The following APOLD1 variants were observed in gnomAD, a reference collection of about 807,000 sequenced individuals.
APOLD1 encodes apolipoprotein L domain containing 1, also known as apolipoprotein L domain-containing protein 1.
In APOLD1, 22 loss-of-function variants were observed where a neutral mutation model predicts 15.3. The observed-to-expected ratio is 1.44, with a 90% CI of 1.03 to 2.05. APOLD1 has a LOEUF of 2.05. Among genes scored for constraint, APOLD1 ranks in the 30% most tolerant of loss-of-function variants. The probability of loss-of-function intolerance (pLI) is 0.00; values close to 1 mark genes in which losing one functional copy is unlikely to be tolerated. For synonymous variants in APOLD1, 190 were observed against 167.4 expected (o/e 1.13, Z -1.04); for missense variants, 394 against 353.5 (o/e 1.11, Z -0.92).
At position 12,786,988 on chromosome 12, in the gene APOLD1, G is replaced by T. The variant is rs1308385088; in HGVS notation, c.83G>T (p.Arg28Leu). The change falls in exon 2 of 2, where the codon CGA becomes CTA. Residue 28 changes from arginine (R) to leucine (L), a missense_variant. Transcript: ENST00000356591. ...TTCCAGGGACTGCTGCTGGACCGCCGAGGCCGGCTGCACGGCCAGGTGCTG... is the reference window on the plus strand; with the variant it reads ...TTCCAGGGACTGCTGCTGGACCGCCTAGGCCGGCTGCACGGCCAGGTGCTG... ...RRFQGLLLDR[R>L]GRLHGQVLRL... 1.4e-6 allele frequency: 2 copies of T among 1,424,758 alleles called. No individual in the cohort carries two copies. The highest frequency in any genetic ancestry group is 1.8e-6 in the Non-Finnish European group (2 of 1,100,596). The allele number at this position is 1,424,758 out of a possible 1,614,324, so 88.3% of individuals were successfully genotyped here.
chr12:12,787,667 C>G lies in APOLD1; in HGVS notation c.*15C>G, dbSNP rs781291103. ...TGTTTTTCTGAGAACATCCTTTCCC[C>G]CTAATGACCGAGGCCAGCAAATCAT... is the stretch of plus-strand genomic sequence containing the variant. On this transcript the variant is annotated 3_prime_UTR_variant, in exon 2 of 2. Coordinates refer to ENST00000356591, the MANE Select transcript of APOLD1 (RefSeq NM_030817.3). This position sits in a 1 kb window ranked among gnomAD's most constrained non-coding sequence, Gnocchi z 4.9. 1.3e-6 allele frequency: 2 copies of G among 1,565,016 alleles called. No individual in the cohort carries two copies. The highest frequency in any genetic ancestry group is 1.8e-5 in the Admixed American group (1 of 56,300).
intron 1 of APOLD1, among the ~76,000 whole-genome samples, chr12:12,742,041 C>T (rs769915653): frequency 1.3e-5 from 2 of 152,200 alleles, no homozygotes; most frequent in Non-Finnish European, 2.9e-5. Flanking sequence ...TTCTGGCCAG[C>T]AATGTCTTGC....
intron 1 of APOLD1, among the ~76,000 whole-genome samples, chr12:12,763,266 G>A (rs1946915927): frequency 6.6e-6 from 1 of 151,642 alleles, no homozygotes; most frequent in African/African-American, 2.4e-5. Flanking sequence ...TTTTTTGTAT[G>A]CGGCGAGAAC....
chr12:12,747,778 A>G (rs1215372529), intron 1 of APOLD1, among the ~76,000 whole-genome samples: 1 of 152,222 alleles, frequency 6.6e-6, no homozygotes, highest in African/African-American at 2.4e-5. Flanking sequence ...TGTAAGAAAA[A>G]AGGAAGGAGC....
chr12:12,762,506 C>T (rs1036880354), intron 1 of APOLD1, among the ~76,000 whole-genome samples: 1 of 151,934 alleles, frequency 6.6e-6, no homozygotes, highest in African/African-American at 2.4e-5. Flanking sequence ...AGACGCGCAC[C>T]ACCACACCCA....
At chr12:12,753,067 C>T (rs979584025) in intron 1 of APOLD1, among the ~76,000 whole-genome samples, 22 of 152,134 alleles carry the variant, frequency 1.4e-4, no homozygotes, top group African/African-American at 5.3e-4. Flanking sequence ...ACCAGTGCTA[C>T]ATCCCATCCT....
rs759387185 is a variant in APOLD1, at chr12:12,787,062, C to T, written c.157C>T (p.Leu53Phe). Residue 53 changes from leucine (L) to phenylalanine (F), a missense_variant, in exon 2 of 2, where the codon CTC becomes TTC. Coordinates refer to ENST00000356591, the MANE Select transcript of APOLD1 (RefSeq NM_030817.3). This position sits in a 1 kb window ranked among gnomAD's most constrained non-coding sequence, Gnocchi z 4.9. ...RRLERLRRRS[L>F]VANVAGSSLS... is the part of the protein sequence containing the mutation. The stretch of plus-strand genomic sequence containing the variant: ...CCTGGAGCGCCTGCGCAGGCGCTCC[C>T]TCGTAGCCAACGTGGCCGGCAGCTC... 7.2e-7 allele frequency: 1 copy of T among 1,393,072 alleles called. No individual in the cohort carries two copies. Among genetic ancestry groups the T allele is most frequent in the Non-Finnish European group, 9.2e-7 (1 of 1,084,856 alleles). 86.3% of individuals were successfully genotyped at this position (1,393,072 alleles called of 1,614,324 possible). A position where few individuals can be genotyped will look rare whatever the true frequency, so the allele number is the denominator to read the frequency against.
intron 1 of APOLD1, among the ~76,000 whole-genome samples, chr12:12,754,482 CT>C (rs1565430893): frequency 1.3e-5 from 2 of 151,938 alleles, no homozygotes; most frequent in African/African-American, 4.8e-5. Context: ...CGGAGTCTTG[CT>C]CTGTCACCCA....
intron 1 of APOLD1, among the ~76,000 whole-genome samples, chr12:12,774,546 C>CAAAAAAAAAAAAAAAAAAAAAAAAG (rs1947014181): frequency 2.4e-5 from 1 of 42,288 alleles, no homozygotes; most frequent in African/African-American, 7.6e-5. Context: ...ACTCTAACTC[C>CAAAAAAAAAAAAAAAAAAAAAAAAG]AAAAAAAAAA....
At chr12:12,758,600 C>T (rs1409928361) in intron 1 of APOLD1, among the ~76,000 whole-genome samples, 2 of 152,160 alleles carry the variant, frequency 1.3e-5, no homozygotes, top group African/African-American at 4.8e-5. Context: ...ACAGAGCCAG[C>T]ATTTTTCCTG....
Position 12,787,100 on chromosome 12 carries a change from G to T in APOLD1, c.195G>T (p.Thr65=), listed in dbSNP as rs756561558. The change falls in exon 2 of 2, where the codon ACG becomes ACT. Residue 65 remains threonine (T), a synonymous_variant. Transcript: ENST00000356591. The surrounding 1 kb of genome is among the most constrained non-coding windows in gnomAD (Gnocchi z 4.9). ...ANVAGSSLSA[T]GALAAIVGLS... ...TGGCCGGCAGCTCGCTGAGCGCAAC[G>T]GGCGCCCTCGCCGCCATCGTGGGGC... 19 of 1,411,982 alleles carry T rather than the reference G, an allele frequency of 1.3e-5. No homozygotes were observed. The East Asian group carries it at 1.4e-4, about 10-fold the overall frequency. The allele number at this position is 1,411,982 out of a possible 1,614,324, so 87.5% of individuals were successfully genotyped here.
intron 1 of APOLD1, among the ~76,000 whole-genome samples, chr12:12,770,943 T>C (rs1946982773): frequency 6.6e-6 from 1 of 150,820 alleles, no homozygotes; most frequent in African/African-American, 2.4e-5. Flanking sequence ...AAGAAGAGAG[T>C]GGAGTCAAAT....
chr12:12,744,042 G>C (rs536816043), intron 1 of APOLD1, among the ~76,000 whole-genome samples: 2 of 152,338 alleles, frequency 1.3e-5, no homozygotes, highest in South Asian at 4.1e-4. Context: ...ATGGCTGGGC[G>C]TGGTGGCTCA....
At chr12:12,786,682 C>T (rs779063730) in intron 1 of APOLD1, 1 of 985,436 alleles carries the variant, frequency 1.0e-6, no homozygotes, top group Non-Finnish European at 1.2e-6. Flanking sequence ...ATTCCTATTT[C>T]CATATGCAGA....
intron 1 of APOLD1, among the ~76,000 whole-genome samples, chr12:12,739,940 C>T (rs373625960): frequency 8.1e-4 from 123 of 151,682 alleles, no homozygotes; most frequent in Non-Finnish European, 1.4e-3. Context: ...CCTCAGCCTC[C>T]TGTGTAGCTG....
At chr12:12,737,851 T>G (rs1946701308) in intron 1 of APOLD1, among the ~76,000 whole-genome samples, 1 of 152,192 alleles carries the variant, frequency 6.6e-6, no homozygotes, top group Non-Finnish European at 1.5e-5. Context: ...ATTCAGTGAA[T>G]GCTTCAGAAT....
chr12:12,737,239 G>A (rs1196392307), intron 1 of APOLD1, among the ~76,000 whole-genome samples: 2 of 150,030 alleles, frequency 1.3e-5, no homozygotes, highest in Non-Finnish European at 3.0e-5. Context: ...TTTTTAAATT[G>A]AAGATTAATA....
At chr12:12,738,143 T>C (rs1946704044) in intron 1 of APOLD1, among the ~76,000 whole-genome samples, 1 of 151,818 alleles carries the variant, frequency 6.6e-6, no homozygotes, top group African/African-American at 2.4e-5. Flanking sequence ...CTCTGGAATA[T>C]GCTGCCACTC....
intron 1 of APOLD1, among the ~76,000 whole-genome samples, chr12:12,779,453 T>G (rs944370682): frequency 6.6e-6 from 1 of 152,162 alleles, no homozygotes; most frequent in Non-Finnish European, 1.5e-5. Context: ...ATAAGCAAAT[T>G]CTGAAAGCCT....
Sources: allele counts gnomAD v4.1 joint callset (sites outside exome capture counted in the v4.1 genomes callset), GRCh38; gene constraint gnomAD v4.1.1; non-coding constraint Gnocchi (gnomAD v3.1); transcripts MANE v1.5; gene names NCBI Gene and HGNC (gene_info 2026-07-23, HGNC 2026-07-21).